TMEM87A: variants seen among roughly 807,000 people sequenced by gnomAD.
TMEM87A encodes transmembrane protein 87A.
In TMEM87A, 50 loss-of-function variants were observed where a neutral mutation model predicts 90.0. The observed-to-expected ratio is 0.56, with a 90% confidence interval of 0.44 to 0.70. TMEM87A has a LOEUF of 0.70. TMEM87A is among the 30% of genes least tolerant of loss of function. The pLI, the probability that TMEM87A is intolerant of heterozygous loss-of-function variation, is 0.00. For synonymous variants in TMEM87A, 226 were observed against 226.7 expected (o/e 1.00, Z 0.03); for missense variants, 577 against 660.5 (o/e 0.87, Z 1.39).
intron 6 of TMEM87A, among the ~76,000 whole-genome samples, chr15:42,250,055 A>G (rs905114783): frequency 1.3e-5 from 2 of 152,150 alleles, no homozygotes; most frequent in African/African-American, 4.8e-5. Flanking sequence ...TTGTTGGTTT[A>G]AAGTCTGTTT....
At chr15:42,236,462 G>A in intron 9 of TMEM87A, 43 bp from the exon 10 acceptor site, 1 of 1,564,374 alleles carries the variant, frequency 6.4e-7, no homozygotes, top group Non-Finnish European at 8.8e-7. Context: ...ATCTAGGTTT[G>A]GCAACAGGCC....
In TMEM87A at chr15:42,211,754, G is replaced by A. The variant is rs773706162; in HGVS notation, c.1627-5C>T. 2.5e-5 allele frequency: 40 copies of A among 1,596,218 alleles called. No homozygotes were observed. In the African/African-American group the frequency reaches 3.6e-4, roughly 14 times the overall value. On this transcript the variant is annotated splice_polypyrimidine_tract_variant and splice_region_variant and intron_variant, in intron 19 of 19. Transcript: ENST00000389834. ...AAAGTGTGTGATCATTCGTTCCTAG[G>A]GAAAAAAAAAAAGGTTGAAGTATAT...
intron 8 of TMEM87A, among the ~76,000 whole-genome samples, chr15:42,238,200 G>A (rs1274980033): frequency 1.3e-5 from 2 of 152,098 alleles, no homozygotes; most frequent in Non-Finnish European, 2.9e-5. Flanking sequence ...TTGGGAAGCC[G>A]AGGCAGGAGG....
chr15:42,242,619 C>A (rs932062274), intron 7 of TMEM87A, among the ~76,000 whole-genome samples: 2 of 151,738 alleles, frequency 1.3e-5, no homozygotes, highest in African/African-American at 4.8e-5. Flanking sequence ...TGTGTCAAAA[C>A]CAAGTAGTGG....
At chr15:42,268,078 A>C (rs1364418680) in intron 2 of TMEM87A, 46 bp from the exon 3 acceptor site, 2 of 1,541,768 alleles carry the variant, frequency 1.3e-6, no homozygotes, top group East Asian at 2.3e-5. Flanking sequence ...TTCCCCAACA[A>C]AGCATTTTTC....
chr15:42,243,908 A>C, intron 7 of TMEM87A, 142 bp downstream of exon 7: 2 of 485,124 alleles, frequency 4.1e-6, no homozygotes, highest in Non-Finnish European at 7.2e-6. Context: ...CATGTTACTA[A>C]CTAAAAATTT....
chr15:42,267,895 AACCAGATAATC>A (rs1408203713), intron 3 of TMEM87A, 41 bp downstream of exon 3: 39 of 1,429,054 alleles, frequency 2.7e-5, no homozygotes, highest in Middle Eastern at 1.8e-4. Context: ...AAGAGACTGG[AACCAGATAATC>A]ACTAAGGTCC....
intron 6 of TMEM87A, among the ~76,000 whole-genome samples, chr15:42,252,120 G>A (rs923452087): frequency 3.3e-5 from 5 of 152,216 alleles, no homozygotes; most frequent in East Asian, 3.8e-4. Context: ...GTATTAAGGC[G>A]GGAGTGTCCC....
intron 19 of TMEM87A, 134 bp from the exon 20 acceptor site, chr15:42,211,883 C>T: frequency 1.2e-6 from 1 of 839,674 alleles, no homozygotes; most frequent in Non-Finnish European, 1.8e-6. Flanking sequence ...GAAATGGTTC[C>T]TAAACATTTG....
intron 6 of TMEM87A, among the ~76,000 whole-genome samples, chr15:42,256,350 A>T (rs1182129396): frequency 1.3e-5 from 2 of 151,936 alleles, no homozygotes; most frequent in South Asian, 2.1e-4. Flanking sequence ...CATGTTGACC[A>T]GACTAGTCTC....
chr15:42,231,115 T>C lies in TMEM87A; in HGVS notation c.1131+77A>G, dbSNP rs932616908. ...TAATTAACAAAACTGATAAAAACTCTTTGCAGAAAGATCAATGGAAACCCA... is the reference window on the plus strand; with the variant it reads ...TAATTAACAAAACTGATAAAAACTCCTTGCAGAAAGATCAATGGAAACCCA... On this transcript the variant is annotated intron_variant, in intron 12 of 19. Transcript: ENST00000389834. The C allele has an allele frequency of 2.2e-6, 3 of 1,370,190 alleles. No homozygotes were observed. The African/African-American group carries it at 4.7e-5, about 22-fold the overall frequency. 84.9% of individuals were successfully genotyped at this position (1,370,190 alleles called of 1,614,324 possible).
At chr15:42,258,253 C>T (rs2051220489) in intron 6 of TMEM87A, 2 of 776,516 alleles carry the variant, frequency 2.6e-6, no homozygotes, top group Non-Finnish European at 3.1e-6. Context: ...ATAATACATA[C>T]TCTAAGATTC....
chr15:42,253,784 C>T (rs4924641), intron 6 of TMEM87A, among the ~76,000 whole-genome samples: 146,536 of 152,320 alleles, frequency 0.96, 70,682 homozygotes, highest in Non-Finnish European at 1. Context: ...TCTGTGAAAG[C>T]TGAATGTGAT....
At position 42,244,071 on chromosome 15, in the gene TMEM87A, A is replaced by T. The variant is rs759419435; in HGVS notation, c.601T>A (p.Ser201Thr). Residue 201 changes from serine to threonine, a missense_variant, in exon 7 of 20, where the codon TCA becomes ACA. By Grantham distance (58) the Ser-to-Thr change is moderately conservative. Transcript: ENST00000389834. Reference protein sequence around the residue: ...SSSKESSKENSLSNLFTMTVE... With the variant: ...SSSKESSKENTLSNLFTMTVE... ...TTACTGGTAAAAAGATTACTCAGTG[A>T]ATTTTCTTTTGATGATTCCTTTGAG... is the stretch of plus-strand genomic sequence containing the variant. 1 of 1,570,060 alleles carries T rather than the reference A, an allele frequency of 6.4e-7. No individual in the cohort carries two copies.
intron 3 of TMEM87A, among the ~76,000 whole-genome samples, chr15:42,265,725 T>C (rs2051389479): frequency 6.6e-6 from 1 of 152,234 alleles, no homozygotes; most frequent in Non-Finnish European, 1.5e-5. Flanking sequence ...TGTCAATTTT[T>C]GCTTTTGTTG....
At chr15:42,216,749 G>A (rs1278981453) in intron 19 of TMEM87A, among the ~76,000 whole-genome samples, 1 of 152,112 alleles carries the variant, frequency 6.6e-6, no homozygotes, top group African/African-American at 2.4e-5. Flanking sequence ...TACTGTACAT[G>A]CTGTGTCAAA....
At chr15:42,221,110 T>C (rs12915387) in intron 15 of TMEM87A, among the ~76,000 whole-genome samples, 128,334 of 152,122 alleles carry the variant, frequency 0.84, 54,952 homozygotes, top group Non-Finnish European at 0.92. Flanking sequence ...GGATTAAAGG[T>C]GTGAGCCACC....
intron 6 of TMEM87A, among the ~76,000 whole-genome samples, chr15:42,244,854 T>C (rs1175362306): frequency 3.3e-5 from 5 of 150,800 alleles, no homozygotes; most frequent in African/African-American, 4.9e-5. Context: ...AATAACTGGT[T>C]TCTTCTTCCT....
intron 13 of TMEM87A, 68 bp from the exon 14 acceptor site, chr15:42,227,837 T>C: frequency 6.9e-7 from 1 of 1,449,146 alleles, no homozygotes; most frequent in African/African-American, 1.4e-5. Flanking sequence ...CATTCCCCCA[T>C]TTCCGGTTAA....
Sources: allele counts gnomAD v4.1 joint callset (sites outside exome capture counted in the v4.1 genomes callset), GRCh38; gene constraint gnomAD v4.1.1; transcripts MANE v1.5; gene names NCBI Gene and HGNC (gene_info 2026-07-23, HGNC 2026-07-21).